The following PRKCE variants were observed in gnomAD, a reference collection of about 807,000 sequenced individuals.
PRKCE encodes protein kinase C epsilon, also known as protein kinase C epsilon type.
PRKCE carries 16 observed loss-of-function variants against 85.4 expected under a neutral mutation model. The observed-to-expected ratio is 0.19, with a 90% CI of 0.13 to 0.28. PRKCE has a LOEUF of 0.28. Among genes scored for constraint, PRKCE ranks in the 10% least tolerant of loss-of-function variants. The pLI is 1.00. For synonymous variants in PRKCE, 388 were observed against 371.5 expected (o/e 1.04, Z -0.51); for missense variants, 573 against 975.2 (o/e 0.59, Z 5.49).
intron 2 of PRKCE, among the ~76,000 whole-genome samples, chr2:45,865,691 C>G (rs1245970857): frequency 6.6e-6 from 1 of 152,182 alleles, no homozygotes; most frequent in Non-Finnish European, 1.5e-5. Context: ...TGCTTCTCCC[C>G]TGTGGAGTCT....
intron 11 of PRKCE, among the ~76,000 whole-genome samples, chr2:46,123,594 T>A (rs1385367843): frequency 6.6e-6 from 1 of 152,148 alleles, no homozygotes; most frequent in African/African-American, 2.4e-5. Context: ...GTTCAAGCAA[T>A]TCTCATGCCC....
At chr2:45,750,127 A>G (rs916278747) in intron 1 of PRKCE, among the ~76,000 whole-genome samples, 1 of 152,180 alleles carries the variant, frequency 6.6e-6, no homozygotes, top group African/African-American at 2.4e-5. Flanking sequence ...GGTTTTTAAA[A>G]AATTATGGTG....
intron 2 of PRKCE, among the ~76,000 whole-genome samples, chr2:45,880,882 G>A (rs1197277391): frequency 6.6e-6 from 1 of 152,160 alleles, no homozygotes; most frequent in Non-Finnish European, 1.5e-5. Flanking sequence ...GGCCGGGCGC[G>A]GTGGCTCACG....
intron 2 of PRKCE, among the ~76,000 whole-genome samples, chr2:45,871,503 TCAG>T (rs1221617647): frequency 1.3e-5 from 2 of 152,272 alleles, no homozygotes; most frequent in Non-Finnish European, 2.9e-5. Context: ...ACTTGTTTTC[TCAG>T]CAGCAAGAGC....
chr2:45,844,205 T>C (rs1298917480), intron 2 of PRKCE, among the ~76,000 whole-genome samples: 1 of 152,244 alleles, frequency 6.6e-6, no homozygotes, highest in Non-Finnish European at 1.5e-5. Context: ...AAGAATTCAA[T>C]AATTGTGTGT....
rs140758991 is a variant in PRKCE at position 45,990,514 on chromosome 2, G to T, written c.823+5834G>T. 3.9e-3 allele frequency among the ~76,000 whole-genome samples: 597 copies of T among 152,174 alleles called. 3 individuals are homozygous for T. Among genetic ancestry groups the T allele is most frequent in the African/African-American group, 0.014 (578 of 41,512 alleles). ...GCACCTCCCCATCCACATCCCCTTC[G>T]CCTCCTCACAAATGCAATCGTCTTG... On this transcript the variant is annotated intron_variant, in intron 6 of 14. Coordinates refer to ENST00000306156, the MANE Select transcript of PRKCE (RefSeq NM_005400.3).
At chr2:45,730,360 G>A (rs1206504570) in intron 1 of PRKCE, among the ~76,000 whole-genome samples, 1 of 151,648 alleles carries the variant, frequency 6.6e-6, no homozygotes, top group Non-Finnish European at 1.5e-5. Context: ...GTCTTGCTGT[G>A]TTGCCCAGGC....
intron 1 of PRKCE, among the ~76,000 whole-genome samples, chr2:45,664,533 A>G (rs978932348): frequency 1.3e-5 from 2 of 152,184 alleles, no homozygotes; most frequent in Non-Finnish European, 2.9e-5. Flanking sequence ...TCCAGTCCTT[A>G]TGTCCCTCCC....
chr2:45,930,823 A>G (rs528413400), intron 2 of PRKCE, among the ~76,000 whole-genome samples: 1 of 152,224 alleles, frequency 6.6e-6, no homozygotes, highest in Non-Finnish European at 1.5e-5. Flanking sequence ...CGAGGAGATA[A>G]GAAGCTTGAT....
intron 1 of PRKCE, among the ~76,000 whole-genome samples, chr2:45,655,850 A>C: frequency 1.2e-5 from 1 of 83,744 alleles, no homozygotes; most frequent in Non-Finnish European, 3.0e-5. Flanking sequence ...TCTCTTGAAA[A>C]AAAAAAAAAA....
intron 10 of PRKCE, among the ~76,000 whole-genome samples, chr2:46,067,828 C>T (rs1667752670): frequency 6.6e-6 from 1 of 152,166 alleles, no homozygotes; most frequent in African/African-American, 2.4e-5. Flanking sequence ...CCTAACGCTA[C>T]AGACCAAGAA....
chr2:45,795,613 A>T (rs1381172867), intron 1 of PRKCE, among the ~76,000 whole-genome samples: 3 of 152,140 alleles, frequency 2.0e-5, no homozygotes, highest in Non-Finnish European at 4.4e-5. Context: ...CCCGGCCTGA[A>T]CATTTTTAAT....
At chr2:45,824,426 T>G (rs1689781867) in intron 1 of PRKCE, among the ~76,000 whole-genome samples, 1 of 152,136 alleles carries the variant, frequency 6.6e-6, no homozygotes. Flanking sequence ...TCGGGGAGTC[T>G]CTTAAGCGGG....
intron 1 of PRKCE, among the ~76,000 whole-genome samples, chr2:45,709,101 G>A (rs1013295850): frequency 7.2e-5 from 11 of 152,222 alleles, no homozygotes; most frequent in African/African-American, 4.8e-5. Context: ...ACTTACTGGC[G>A]CTGCTGCTCA....
At chr2:45,757,789 T>C (rs1215377750) in intron 1 of PRKCE, among the ~76,000 whole-genome samples, 1 of 152,168 alleles carries the variant, frequency 6.6e-6, no homozygotes, top group African/African-American at 2.4e-5. Context: ...ATTCATTTCA[T>C]TGGAAATGAG....
In PRKCE at chr2:45,948,696, C is replaced by G. The variant is rs576548010; in HGVS notation, c.413-27733C>G. ...ACGAAATAAAACATCAGAGTCAGTT[C>G]AAGTCTCCTTGTTGGGGGATTCCTG... On this transcript the variant is annotated intron_variant, in intron 2 of 14. Transcript: ENST00000306156. Among the ~76,000 whole-genome samples the G allele has an allele frequency of 7.0e-4, 107 of 152,192 alleles. 3 individuals carry two copies. Among genetic ancestry groups the G allele is most frequent in the Middle Eastern group, 3.4e-3 (1 of 294 alleles).
At chr2:46,130,745 C>A (rs1674353369) in intron 11 of PRKCE, among the ~76,000 whole-genome samples, 1 of 152,208 alleles carries the variant, frequency 6.6e-6, no homozygotes, top group South Asian at 2.1e-4. Context: ...CTAACCTACC[C>A]ACACGTAGCT....
intron 6 of PRKCE, among the ~76,000 whole-genome samples, chr2:45,999,031 C>G (rs1464100507): frequency 6.6e-6 from 1 of 152,114 alleles, no homozygotes; most frequent in East Asian, 1.9e-4. Context: ...CATAAGCATA[C>G]CTAGCATATA....
chr2:45,876,753 T>C (rs58609494), intron 2 of PRKCE, among the ~76,000 whole-genome samples: 1 of 152,364 alleles, frequency 6.6e-6, no homozygotes, highest in East Asian at 1.9e-4. Flanking sequence ...TTACCTCATC[T>C]CTTATAAACA....
Sources: allele counts gnomAD v4.1 joint callset (sites outside exome capture counted in the v4.1 genomes callset), GRCh38; gene constraint gnomAD v4.1.1; transcripts MANE v1.5; gene names NCBI Gene and HGNC (gene_info 2026-07-23, HGNC 2026-07-21).